Variants in DGKB observed in about 807,000 individuals in gnomAD.
The protein encoded by DGKB is 90 kDa diacylglycerol kinase.
DGKB carries 67 observed loss-of-function variants against 114.3 expected under a neutral mutation model. The ratio of observed to expected loss-of-function variants is 0.59; its 90% CI spans 0.48 to 0.72. DGKB has a LOEUF of 0.72. DGKB is among the 30% of genes least tolerant of loss of function. The pLI is 0.00. For synonymous variants in DGKB, 398 were observed against 323.1 expected, an observed-to-expected ratio of 1.23 and a Z score of -2.49; for missense variants, 907 against 975.2, an observed-to-expected ratio of 0.93 and a Z score of 0.93.
At chr7:14,872,055 G>A (rs1407427939) in intron 1 of DGKB, among the ~76,000 whole-genome samples, 2 of 152,048 alleles carry the variant, frequency 1.3e-5, no homozygotes, top group African/African-American at 4.8e-5. Flanking sequence ...GTGAAGCAAA[G>A]GGCAAAGTGG....
intron 23 of DGKB, among the ~76,000 whole-genome samples, chr7:14,328,620 A>G (rs1260732618): frequency 1.3e-5 from 2 of 152,058 alleles, no homozygotes; most frequent in African/African-American, 4.8e-5. Flanking sequence ...CAGGTAAAAT[A>G]TAATGATAAT....
At chr7:14,739,245 A>T (rs1832187171) in intron 4 of DGKB, among the ~76,000 whole-genome samples, 2 of 152,236 alleles carry the variant, frequency 1.3e-5, no homozygotes, top group Admixed American at 1.3e-4. Context: ...GTCACTGTGC[A>T]CAGGAGGCCT....
At position 14,489,304 on chromosome 7, in the gene DGKB, C is replaced by G. The variant is rs141768060; in HGVS notation, c.1771-11079G>C. Among the ~76,000 whole-genome samples the G allele has an allele frequency of 3.9e-5, 6 of 152,198 alleles. 1 individual carries two copies. In the East Asian group the frequency reaches 1.2e-3, roughly 29 times the overall value. The stretch of plus-strand genomic sequence containing the variant: ...TGATTGAGATTTTGAATTGAGAAAT[C>G]AAGTCAATGTAATATATTTAAAACT... On this transcript the variant is annotated intron_variant, in intron 20 of 25. Coordinates refer to ENST00000402815, the MANE Select transcript of DGKB (RefSeq NM_001350709.2).
chr7:14,531,361 G>T (rs1326492071), intron 20 of DGKB, among the ~76,000 whole-genome samples: 1 of 151,244 alleles, frequency 6.6e-6, no homozygotes, highest in African/African-American at 2.4e-5. Context: ...TTTGGCAAGG[G>T]CACAAGATTC....
intron 21 of DGKB, among the ~76,000 whole-genome samples, chr7:14,471,514 T>G (rs1781390671): frequency 6.6e-6 from 1 of 150,454 alleles, no homozygotes; most frequent in Admixed American, 6.7e-5. Flanking sequence ...TATAAATTGA[T>G]AAGAAGAAGC....
At chr7:14,480,726 G>A (rs766922213) in intron 20 of DGKB, among the ~76,000 whole-genome samples, 2 of 152,038 alleles carry the variant, frequency 1.3e-5, no homozygotes, top group Non-Finnish European at 2.9e-5. Context: ...CAAGCCTTGT[G>A]ACTTCAAACA....
chr7:14,597,209 A>G (rs1585028968), intron 17 of DGKB, among the ~76,000 whole-genome samples: 1 of 152,190 alleles, frequency 6.6e-6, no homozygotes, highest in Non-Finnish European at 1.5e-5. Flanking sequence ...CTCCGTCTCA[A>G]AAAAAACCAT....
chr7:14,251,369 G>A (rs1461024297), intron 23 of DGKB, among the ~76,000 whole-genome samples: 1 of 151,946 alleles, frequency 6.6e-6, no homozygotes. Context: ...TGATAACTTT[G>A]ACTATAGATA....
intron 23 of DGKB, among the ~76,000 whole-genome samples, chr7:14,268,514 T>C (rs566450762): frequency 5.6e-4 from 85 of 152,340 alleles, no homozygotes; most frequent in African/African-American, 1.3e-3. Context: ...GTTCTCAGAA[T>C]AACAATGTAA....
intron 23 of DGKB, among the ~76,000 whole-genome samples, chr7:14,286,426 A>G (rs2128464547): frequency 6.6e-6 from 1 of 152,300 alleles, no homozygotes; most frequent in East Asian, 1.9e-4. Flanking sequence ...CTTGGGTACT[A>G]AAGTCTGCTC....
At chr7:14,532,482 G>C (rs1791757226) in intron 20 of DGKB, among the ~76,000 whole-genome samples, 1 of 151,310 alleles carries the variant, frequency 6.6e-6, no homozygotes, top group Non-Finnish European at 1.5e-5. Context: ...AAGAGAGCTG[G>C]AGTGGATTTA....
intron 23 of DGKB, among the ~76,000 whole-genome samples, chr7:14,334,389 T>C (rs1185500138): frequency 1.2e-5 from 1 of 86,572 alleles, no homozygotes; most frequent in Non-Finnish European, 2.7e-5. Context: ...TGTGTGTGTG[T>C]GTGTGTGCGC....
intron 12 of DGKB, among the ~76,000 whole-genome samples, chr7:14,673,547 G>T (rs1264915998): frequency 6.6e-6 from 1 of 151,572 alleles, no homozygotes; most frequent in Admixed American, 6.6e-5. Flanking sequence ...AGTAGGAGCA[G>T]GATATAAATA....
chr7:14,178,882 T>C (rs1782221383), intron 23 of DGKB, among the ~76,000 whole-genome samples: 1 of 152,160 alleles, frequency 6.6e-6, no homozygotes, highest in Non-Finnish European at 1.5e-5. Context: ...GAGTATTTAC[T>C]AGGACTAATT....
chr7:14,411,012 T>C (rs1824779972), intron 21 of DGKB, among the ~76,000 whole-genome samples: 1 of 152,094 alleles, frequency 6.6e-6, no homozygotes, highest in Admixed American at 6.6e-5. Flanking sequence ...TTTGCTCTTC[T>C]CCCGGGTTAG....
At chr7:14,909,638 G>C (rs575441012) in intron 1 of DGKB, among the ~76,000 whole-genome samples, 1 of 152,132 alleles carries the variant, frequency 6.6e-6, no homozygotes, top group South Asian at 2.1e-4. Context: ...TGCAAAATAA[G>C]AATACATTGC....
intron 23 of DGKB, among the ~76,000 whole-genome samples, chr7:14,222,604 G>C (rs937410579): frequency 6.6e-6 from 1 of 151,352 alleles, no homozygotes; most frequent in Non-Finnish European, 1.5e-5. Context: ...GTCTACAGTT[G>C]TTGGCTGGAG....
intron 9 of DGKB, among the ~76,000 whole-genome samples, chr7:14,689,095 T>C (rs1189520621): frequency 6.7e-6 from 1 of 150,310 alleles, no homozygotes; most frequent in African/African-American, 2.4e-5. Flanking sequence ...ATGTTACAAA[T>C]AATTACTTCC....
At chr7:14,789,742 A>G (rs975422705) in intron 2 of DGKB, among the ~76,000 whole-genome samples, 4 of 152,206 alleles carry the variant, frequency 2.6e-5, no homozygotes, top group East Asian at 1.9e-4. Context: ...AATTTTGCAG[A>G]GTTATGGTCT....
Sources: allele counts gnomAD v4.1 joint callset (sites outside exome capture counted in the v4.1 genomes callset), GRCh38; gene constraint gnomAD v4.1.1; transcripts MANE v1.5; gene names NCBI Gene and HGNC (gene_info 2026-07-23, HGNC 2026-07-21).